Variants in DNM3 observed in about 807,000 individuals in gnomAD.
DNM3 encodes dynamin-3.
A neutral mutation model predicts 101.6 loss-of-function variants in DNM3; 47 were observed. The observed-to-expected ratio is 0.46, with a 90% CI of 0.37 to 0.59. The LOEUF (loss-of-function observed/expected upper bound fraction) is 0.59, where lower values mean the gene tolerates loss of function less well. DNM3 is among the 20% of genes least tolerant of loss of function. The pLI is 0.00. For missense variants in DNM3, 849 were observed against 1,085.7 expected (o/e 0.78, Z 3.06); for synonymous variants, 385 against 387.9 (o/e 0.99, Z 0.09).
At chr1:172,403,000 C>T (rs1216253713) in intron 20 of DNM3, among the ~76,000 whole-genome samples, 1 of 152,188 alleles carries the variant, frequency 6.6e-6, no homozygotes, top group African/African-American at 2.4e-5. Context: ...AAATATCCCA[C>T]CACATTAGAA....
chr1:172,008,132 A>AT (rs34083893), intron 4 of DNM3, among the ~76,000 whole-genome samples: 56,299 of 149,884 alleles, frequency 0.38, 14,093 homozygotes, highest in African/African-American at 0.73. Context: ...CAGTTTGCAA[A>AT]TTTTTTTTTT....
chr1:172,225,455 C>G (rs1014491194), intron 14 of DNM3, among the ~76,000 whole-genome samples: 1 of 152,008 alleles, frequency 6.6e-6, no homozygotes, highest in Admixed American at 6.6e-5. Flanking sequence ...CTAATGACCT[C>G]AATTTAGTCT....
chr1:172,288,644 T>C (rs188640312), intron 15 of DNM3, among the ~76,000 whole-genome samples: 4 of 152,240 alleles, frequency 2.6e-5, no homozygotes, highest in Non-Finnish European at 5.9e-5. Flanking sequence ...ACTGGCTACG[T>C]TGACAGAACT....
intron 14 of DNM3, among the ~76,000 whole-genome samples, chr1:172,221,397 G>T (rs560256942): frequency 1.3e-5 from 2 of 152,106 alleles, no homozygotes; most frequent in East Asian, 3.9e-4. Context: ...GAAGAGCTTA[G>T]ATCATGTCTG....
chr1:172,161,123 A>G (rs1558658926), intron 14 of DNM3, among the ~76,000 whole-genome samples: 2 of 151,564 alleles, frequency 1.3e-5, no homozygotes, highest in South Asian at 2.1e-4. Context: ...CAGACTTCAG[A>G]ATAAGTTTGC....
chr1:172,172,480 A>G (rs1457798144), intron 14 of DNM3, among the ~76,000 whole-genome samples: 1 of 151,716 alleles, frequency 6.6e-6, no homozygotes, highest in Middle Eastern at 3.4e-3. Flanking sequence ...TCATCATGCT[A>G]CTCAGATTGG....
chr1:172,013,291 A>G (rs905773849), intron 4 of DNM3, among the ~76,000 whole-genome samples: 2 of 152,068 alleles, frequency 1.3e-5, no homozygotes, highest in African/African-American at 4.8e-5. Context: ...TTTTATAGGA[A>G]AATCACCGTG....
intron 17 of DNM3, among the ~76,000 whole-genome samples, chr1:172,354,391 AGAG>A (rs2067347454): frequency 6.6e-6 from 1 of 152,090 alleles, no homozygotes. Context: ...CAGAAATAGG[AGAG>A]GCCAGGCTCC....
chr1:172,050,710 C>G (rs2050145858), intron 10 of DNM3, among the ~76,000 whole-genome samples: 1 of 152,064 alleles, frequency 6.6e-6, no homozygotes, highest in Non-Finnish European at 1.5e-5. Flanking sequence ...GTAAAGAAAG[C>G]AAAACTGGAA....
chr1:172,220,388 A>G (rs934868021), intron 14 of DNM3, among the ~76,000 whole-genome samples: 1 of 152,196 alleles, frequency 6.6e-6, no homozygotes, highest in Non-Finnish European at 1.5e-5. Flanking sequence ...AATACAATAT[A>G]CAAAGAGTTA....
intron 4 of DNM3, among the ~76,000 whole-genome samples, chr1:172,017,902 G>T (rs1242958908): frequency 6.6e-6 from 1 of 152,022 alleles, no homozygotes; most frequent in Non-Finnish European, 1.5e-5. Flanking sequence ...TACATGTTAA[G>T]AATTGTTATG....
At chr1:172,277,016 A>G (rs989328652) in intron 15 of DNM3, among the ~76,000 whole-genome samples, 37 of 152,060 alleles carry the variant, frequency 2.4e-4, no homozygotes, top group Admixed American at 1.2e-3. Context: ...ACTGTCTCTG[A>G]GAAAGATTAA....
chr1:172,367,053 A>G (rs1272569240), intron 17 of DNM3, among the ~76,000 whole-genome samples: 4 of 151,890 alleles, frequency 2.6e-5, no homozygotes, highest in Non-Finnish European at 4.4e-5. Context: ...AAATCACATT[A>G]TAGTCAAAGT....
At chr1:172,216,223 C>T (rs1004777461) in intron 14 of DNM3, among the ~76,000 whole-genome samples, 2 of 151,996 alleles carry the variant, frequency 1.3e-5, no homozygotes, top group Non-Finnish European at 2.9e-5. Context: ...GCTTCTCCAT[C>T]GAAGGTATAA....
intron 2 of DNM3, among the ~76,000 whole-genome samples, chr1:171,968,392 C>T (rs1302211586): frequency 3.3e-5 from 5 of 152,054 alleles, no homozygotes; most frequent in Non-Finnish European, 2.9e-5. Context: ...AATGAGTGTT[C>T]CCAATGAATT....
intron 13 of DNM3, among the ~76,000 whole-genome samples, chr1:172,119,718 T>A (rs1317726003): frequency 1.3e-5 from 2 of 152,174 alleles, no homozygotes; most frequent in African/African-American, 4.8e-5. Flanking sequence ...CATGTTCACA[T>A]CTTGACATGT....
intron 17 of DNM3, among the ~76,000 whole-genome samples, chr1:172,364,164 T>G (rs1242384660): frequency 1.3e-5 from 2 of 151,936 alleles, no homozygotes; most frequent in Non-Finnish European, 1.5e-5. Flanking sequence ...AGAAACCTAG[T>G]GCATGTCTCA....
chr1:172,408,431 T>C lies in DNM3; in HGVS notation c.*590T>C. The C allele has an allele frequency of 1.0e-6, 1 of 985,760 alleles. No homozygotes were observed. Among genetic ancestry groups the C allele is most frequent in the Non-Finnish European group, 1.2e-6 (1 of 830,182 alleles). The allele number at this position is 985,760 out of a possible 1,614,324, so 61.1% of individuals were successfully genotyped here. On this transcript the variant is annotated 3_prime_UTR_variant, in exon 21 of 21. Coordinates refer to ENST00000627582, the MANE Select transcript of DNM3 (RefSeq NM_015569.5). ...CACGAGGTAGTTTGCAAAGGAAAAG[T>C]CTGCACTGTTTGCTCTAAAGAGCTT...
intron 14 of DNM3, among the ~76,000 whole-genome samples, chr1:172,141,824 C>A (rs2057598327): frequency 6.6e-6 from 1 of 152,044 alleles, no homozygotes; most frequent in Non-Finnish European, 1.5e-5. Flanking sequence ...GAAACTTTGT[C>A]CTATAGTAAA....
Sources: gnomAD v4.1 joint callset for allele counts (sites outside exome capture counted in the v4.1 genomes callset) on GRCh38, gnomAD v4.1.1 for gene constraint, MANE v1.5 for transcripts, NCBI Gene and HGNC (gene_info 2026-07-23, HGNC 2026-07-21) for gene names.